SRBD1: variants seen among roughly 807,000 people sequenced by gnomAD.
The protein encoded by SRBD1 is S1 RNA-binding domain-containing protein 1.
A neutral mutation model predicts 115.3 loss-of-function variants in SRBD1; 88 were observed. The ratio of observed to expected loss-of-function variants is 0.76; its 90% CI spans 0.64 to 0.91. SRBD1 has a LOEUF of 0.91. Among genes scored for constraint, SRBD1 ranks in the 40% least tolerant of loss-of-function variants. SRBD1 has a pLI of 0.00. For missense variants in SRBD1, 1,385 were observed against 1,177.4 expected, an observed-to-expected ratio of 1.18 and a Z score of -2.58; for synonymous variants, 509 against 407.7, an observed-to-expected ratio of 1.25 and a Z score of -2.99.
At position 45,605,370 on chromosome 2, in the gene SRBD1, G is replaced by C; in HGVS notation, c.72C>G (p.Phe24Leu). Residue 24 changes from phenylalanine to leucine, a missense_variant, in exon 2 of 21, where the codon TTC becomes TTG. Coordinates refer to ENST00000263736, the MANE Select transcript of SRBD1 (RefSeq NM_018079.5). ...DVVLKDEFSS[F>L]SELSSASEED... is the part of the protein sequence containing the mutation. ...TAAACCAGTATGCTTACAACTCAGA[G>C]AATGAAGAAAATTCATCTTTCAGTA... is the stretch of plus-strand genomic sequence containing the variant. The C allele has an allele frequency of 2.5e-6, 4 of 1,613,222 alleles. No homozygotes were observed. The highest frequency in any genetic ancestry group is 3.4e-6 in the Non-Finnish European group (4 of 1,179,782).
chr2:45,421,234 G>A (rs1274007858), intron 16 of SRBD1, among the ~76,000 whole-genome samples: 3 of 152,148 alleles, frequency 2.0e-5, no homozygotes, highest in Admixed American at 1.3e-4. Context: ...ATGGCCAGGC[G>A]TGGTGGCTCA....
At chr2:45,533,644 A>G (rs1671679323) in intron 14 of SRBD1, among the ~76,000 whole-genome samples, 1 of 152,010 alleles carries the variant, frequency 6.6e-6, no homozygotes, top group South Asian at 2.1e-4. Context: ...AGGAGTGTAA[A>G]ACTGTACATA....
intron 14 of SRBD1, among the ~76,000 whole-genome samples, chr2:45,496,146 A>G (rs1670451906): frequency 6.6e-6 from 1 of 152,216 alleles, no homozygotes; most frequent in South Asian, 2.1e-4. Flanking sequence ...ATCATTTTGC[A>G]TCATTTACTC....
At chr2:45,435,793 C>T (rs1034428732) in intron 16 of SRBD1, among the ~76,000 whole-genome samples, 3 of 152,106 alleles carry the variant, frequency 2.0e-5, no homozygotes, top group African/African-American at 7.2e-5. Flanking sequence ...AAAAAATAAT[C>T]CTTACTCAGA....
At chr2:45,439,525 AAAG>A (rs1002364109) in intron 16 of SRBD1, among the ~76,000 whole-genome samples, 3 of 151,730 alleles carry the variant, frequency 2.0e-5, no homozygotes, top group Non-Finnish European at 2.9e-5. Flanking sequence ...AAAAAAATGC[AAAG>A]AAGTATAGCT....
At chr2:45,604,765 C>A (rs1674213479) in intron 2 of SRBD1, among the ~76,000 whole-genome samples, 1 of 152,188 alleles carries the variant, frequency 6.6e-6, no homozygotes, top group Non-Finnish European at 1.5e-5. Flanking sequence ...TGCAACCACT[C>A]ACTATGCTCT....
chr2:45,574,690 A>C lies in SRBD1; in HGVS notation c.1106T>G (p.Val369Gly). Reference sequence around the variant, plus strand: ...AATCATATCTGCTAAAATATGCTGCACTCCTATTTCAATATCCTGAAGCGT... The same window carrying C: ...AATCATATCTGCTAAAATATGCTGCCCTCCTATTTCAATATCCTGAAGCGT... ...LSTLQDIEIG[V>G]QHILADMIAK... The change falls in exon 8 of 21, where the codon GTG (valine) becomes GGG (glycine). Residue 369 changes from valine (V) to glycine (G), a missense_variant. Physicochemically the swap from Val to Gly is moderately radical, Grantham distance 109. Transcript: ENST00000263736. 6.2e-7 allele frequency: 1 copy of C among 1,613,656 alleles called. No individual in the cohort carries two copies. The highest frequency in any genetic ancestry group is 8.5e-7 in the Non-Finnish European group (1 of 1,179,832).
intron 14 of SRBD1, among the ~76,000 whole-genome samples, chr2:45,498,969 C>T (rs1670545435): frequency 1.3e-5 from 2 of 152,134 alleles, no homozygotes; most frequent in Admixed American, 1.3e-4. Context: ...GAGTACGATA[C>T]CTCTTCAATA....
At chr2:45,407,489 G>A (rs770926966) in intron 19 of SRBD1, among the ~76,000 whole-genome samples, 4 of 152,258 alleles carry the variant, frequency 2.6e-5, no homozygotes, top group African/African-American at 9.6e-5. Context: ...ACCTGTGAAT[G>A]TAAGTTTTAT....
At chr2:45,546,641 C>A in intron 14 of SRBD1, 91 bp downstream of exon 14, 1 of 1,257,892 alleles carries the variant, frequency 7.9e-7, no homozygotes, top group Non-Finnish European at 1.2e-6. Context: ...AGAAGATGTA[C>A]ATCTTAAAAA....
chr2:45,504,423 C>T (rs1670736124), intron 14 of SRBD1, among the ~76,000 whole-genome samples: 1 of 152,042 alleles, frequency 6.6e-6, no homozygotes, highest in South Asian at 2.1e-4. Flanking sequence ...GAGCTTCTTT[C>T]CCAAATTACA....
At chr2:45,441,309 G>A (rs934470785) in intron 16 of SRBD1, among the ~76,000 whole-genome samples, 1 of 152,154 alleles carries the variant, frequency 6.6e-6, no homozygotes, top group African/African-American at 2.4e-5. Flanking sequence ...TGCACTGGTG[G>A]CAGTGAAGAC....
chr2:45,580,868 A>G (rs1164075270), intron 6 of SRBD1, among the ~76,000 whole-genome samples: 1 of 149,990 alleles, frequency 6.7e-6, no homozygotes, highest in Non-Finnish European at 1.5e-5. Flanking sequence ...TATTTTTAGT[A>G]GAGACGGGGT....
At chr2:45,609,648 T>G (rs1674383505) in intron 1 of SRBD1, among the ~76,000 whole-genome samples, 1 of 152,158 alleles carries the variant, frequency 6.6e-6, no homozygotes, top group Non-Finnish European at 1.5e-5. Context: ...GTCATAACAT[T>G]CTTTCCCACC....
intron 16 of SRBD1, among the ~76,000 whole-genome samples, chr2:45,450,020 C>A (rs1368046815): frequency 6.6e-6 from 1 of 152,054 alleles, no homozygotes; most frequent in African/African-American, 2.4e-5. Context: ...CCATATAACA[C>A]CAATAATGCC....
intron 16 of SRBD1, among the ~76,000 whole-genome samples, chr2:45,439,360 CAT>C (rs5830860): frequency 0.15 from 21,603 of 144,234 alleles, 2,995 homozygotes; most frequent in African/African-American, 0.37. Context: ...TATTCTAGGA[CAT>C]ATATATATAT....
At chr2:45,479,194 A>G (rs994768434) in intron 15 of SRBD1, among the ~76,000 whole-genome samples, 1 of 152,040 alleles carries the variant, frequency 6.6e-6, no homozygotes, top group Non-Finnish European at 1.5e-5. Flanking sequence ...ATTCCCCGAC[A>G]CACAACGGTA....
chr2:45,415,499 A>G (rs1308264099), intron 18 of SRBD1, among the ~76,000 whole-genome samples: 1 of 147,184 alleles, frequency 6.8e-6, no homozygotes, highest in Non-Finnish European at 1.5e-5. Context: ...AGGAGTGTGT[A>G]TATATAGTGT....
intron 9 of SRBD1, chr2:45,567,851 T>G (rs561272709): frequency 8.5e-5 from 13 of 152,334 alleles, no homozygotes; most frequent in Admixed American, 2.6e-4. Flanking sequence ...CCGATTTACA[T>G]AAGTATACCA....
Sources: gnomAD v4.1 joint callset for allele counts (sites outside exome capture counted in the v4.1 genomes callset) on GRCh38, gnomAD v4.1.1 for gene constraint, MANE v1.5 for transcripts, NCBI Gene and HGNC (gene_info 2026-07-23, HGNC 2026-07-21) for gene names.